SESTD1: variants seen among roughly 807,000 people sequenced by gnomAD.
SESTD1 encodes the protein SEC14 domain and spectrin repeat-containing protein 1.
Under a neutral mutation model 101.7 loss-of-function variants are expected in SESTD1, and 43 were observed. The ratio of observed to expected loss-of-function variants is 0.42; its 90% confidence interval spans 0.33 to 0.55. The LOEUF (loss-of-function observed/expected upper bound fraction) is 0.55. Among genes scored for constraint, SESTD1 ranks in the 20% least tolerant of loss-of-function variants. The pLI is 0.07. For missense variants in SESTD1, 647 were observed against 815.1 expected (o/e 0.79, Z 2.51); for synonymous variants, 283 against 286.8 (o/e 0.99, Z 0.13).
chr2:179,113,945 C>A (rs1210268734), intron 16 of SESTD1, among the ~76,000 whole-genome samples: 1 of 149,382 alleles, frequency 6.7e-6, no homozygotes, highest in Non-Finnish European at 1.5e-5. Flanking sequence ...ATTGGGGGAG[C>A]AGTACTGTGA....
chr2:179,256,223 T>C (rs2047391310), intron 1 of SESTD1, among the ~76,000 whole-genome samples: 2 of 152,194 alleles, frequency 1.3e-5, no homozygotes, highest in African/African-American at 2.4e-5. Flanking sequence ...AGGCTATAGC[T>C]GCCATAGATA....
At position 179,212,078 on chromosome 2, in the gene SESTD1, T is replaced by C. The variant is rs375418309; in HGVS notation, c.-25-20212A>G. Among the ~76,000 whole-genome samples the C allele has an allele frequency of 3.8e-4, 52 of 135,246 alleles. 12 individuals are homozygous for C. Among genetic ancestry groups the C allele is most frequent in the East Asian group, 1.2e-3 (6 of 5,016 alleles). 88.7% of individuals were successfully genotyped at this position (135,246 alleles called of 152,430 possible). On this transcript the variant is annotated intron_variant, in intron 1 of 17. Transcript: ENST00000428443. ...CTACAGTCTGCAGCCCCCAGTGTGATTGATGCAGAAGACATGTGATTTCTG... is the reference window on the plus strand; with the variant it reads ...CTACAGTCTGCAGCCCCCAGTGTGACTGATGCAGAAGACATGTGATTTCTG...
At chr2:179,171,605 T>C (rs1347208015) in intron 5 of SESTD1, among the ~76,000 whole-genome samples, 12 of 152,160 alleles carry the variant, frequency 7.9e-5, no homozygotes, top group Admixed American at 7.9e-4. Flanking sequence ...CTGCTTAGAT[T>C]TACATTCCAT....
intron 1 of SESTD1, among the ~76,000 whole-genome samples, chr2:179,248,707 A>C (rs73045866): frequency 1.3e-4 from 20 of 152,226 alleles, no homozygotes; most frequent in African/African-American, 4.8e-4. Flanking sequence ...GACTTCATCA[A>C]CTTGATGAAG....
chr2:179,251,205 T>C (rs547110293), intron 1 of SESTD1, among the ~76,000 whole-genome samples: 33 of 152,282 alleles, frequency 2.2e-4, no homozygotes, highest in Admixed American at 1.8e-3. Flanking sequence ...TATAGCACTC[T>C]TGAAATGACA....
chr2:179,175,241 T>C (rs2045991638), intron 4 of SESTD1, among the ~76,000 whole-genome samples: 1 of 152,090 alleles, frequency 6.6e-6, no homozygotes, highest in South Asian at 2.1e-4. Flanking sequence ...ACCAAAAACA[T>C]AATAAGCACT....
At chr2:179,121,634 C>T in intron 13 of SESTD1, 136 bp downstream of exon 13, 5 of 578,654 alleles carry the variant, frequency 8.6e-6, no homozygotes. Context: ...GTAATTATCA[C>T]ATTCACCAAA....
chr2:179,223,091 A>C (rs1322268954), intron 1 of SESTD1, among the ~76,000 whole-genome samples: 2 of 152,224 alleles, frequency 1.3e-5, no homozygotes. Flanking sequence ...TCCATATAAT[A>C]GGATACCATT....
At chr2:179,240,245 G>A (rs1010341436) in intron 1 of SESTD1, among the ~76,000 whole-genome samples, 1 of 152,162 alleles carries the variant, frequency 6.6e-6, no homozygotes, top group Non-Finnish European at 1.5e-5. Flanking sequence ...CTGAATAACA[G>A]ACGAAGAAAC....
chr2:179,125,276 C>A (rs2044845675), intron 10 of SESTD1, among the ~76,000 whole-genome samples: 1 of 152,206 alleles, frequency 6.6e-6, no homozygotes, highest in Admixed American at 6.5e-5. Context: ...CCTACAATCC[C>A]ATGGAATCCA....
intron 10 of SESTD1, 34 bp downstream of exon 10, chr2:179,132,262 TTCATAATA>T: frequency 6.6e-7 from 1 of 1,509,562 alleles, no homozygotes; most frequent in Non-Finnish European, 8.8e-7. Context: ...ATTACCCACG[TTCATAATA>T]TCATTGTAAC....
chr2:179,137,202 T>C lies in SESTD1; in HGVS notation c.850-4776A>G, dbSNP rs139545303. On this transcript the variant is annotated intron_variant, in intron 9 of 17. Coordinates refer to ENST00000428443, the MANE Select transcript of SESTD1 (RefSeq NM_178123.5). ...TTACATTTACATGCAAAGTATAACC[T>C]TGGAGCCATGCTTTTAGAATCCACC... 1.3e-3 allele frequency among the ~76,000 whole-genome samples: 194 copies of C among 152,322 alleles called. 1 individual carries two copies. Among genetic ancestry groups the C allele is most frequent in the African/African-American group, 4.4e-3 (183 of 41,574 alleles).
chr2:179,252,326 A>C (rs1171651931), intron 1 of SESTD1, among the ~76,000 whole-genome samples: 1 of 152,380 alleles, frequency 6.6e-6, no homozygotes, highest in Non-Finnish European at 1.5e-5. Flanking sequence ...ACGCCTCACC[A>C]TAACTCAAGA....
In SESTD1 at chr2:179,179,519, C is replaced by T. The variant is rs2046071341; in HGVS notation, c.165-2981G>A. ...TTACAACTAAAGGCTCCTTCTCTTC[C>T]ACTCATACAGCTCTGCTGGTACTTA... On this transcript the variant is annotated intron_variant, in intron 3 of 17. Transcript: ENST00000428443. 2.0e-5 allele frequency among the ~76,000 whole-genome samples: 3 copies of T among 152,322 alleles called. No homozygotes were observed. In the South Asian group the frequency reaches 6.2e-4, roughly 32 times the overall value.
chr2:179,229,471 G>T (rs1377503035), intron 1 of SESTD1, among the ~76,000 whole-genome samples: 2 of 151,812 alleles, frequency 1.3e-5, no homozygotes, highest in African/African-American at 4.8e-5. Flanking sequence ...CAGATGGTGG[G>T]ACTTCTCAGC....
intron 9 of SESTD1, among the ~76,000 whole-genome samples, chr2:179,137,468 C>T (rs2045172905): frequency 1.3e-5 from 2 of 152,156 alleles, no homozygotes. Context: ...ATCTATGATT[C>T]CTCTCTACAG....
At chr2:179,238,882 C>T (rs9288026) in intron 1 of SESTD1, among the ~76,000 whole-genome samples, 44,011 of 151,980 alleles carry the variant, frequency 0.29, 6,730 homozygotes, top group South Asian at 0.43. Flanking sequence ...GCCTTGCCCT[C>T]GTTTTCTTAT....
chr2:179,168,919 A>T (rs2045882706), intron 5 of SESTD1, among the ~76,000 whole-genome samples: 1 of 152,202 alleles, frequency 6.6e-6, no homozygotes, highest in Non-Finnish European at 1.5e-5. Context: ...GAAGTGGTAT[A>T]ATTGAAGGTT....
At chr2:179,198,592 T>G (rs1574029580) in intron 1 of SESTD1, among the ~76,000 whole-genome samples, 1 of 151,434 alleles carries the variant, frequency 6.6e-6, no homozygotes, top group African/African-American at 2.4e-5. Flanking sequence ...GAACAGAAAT[T>G]ATAACAAACT....
Sources: gnomAD v4.1 joint callset for allele counts (sites outside exome capture counted in the v4.1 genomes callset) on GRCh38, gnomAD v4.1.1 for gene constraint, MANE v1.5 for transcripts, NCBI Gene and HGNC (gene_info 2026-07-23, HGNC 2026-07-21) for gene names.